ANKFN1: variants seen among roughly 807,000 people sequenced by gnomAD.
ANKFN1 encodes the protein ankyrin repeat and fibronectin type-III domain-containing protein 1.
ANKFN1 carries 74 observed loss-of-function variants against 108.7 expected under a neutral mutation model. That is an observed-to-expected ratio of 0.68 (90% confidence interval 0.56 to 0.83). The LOEUF is 0.83. Ranked by LOEUF, ANKFN1 falls within the 40% of genes least tolerant of loss-of-function variation. The probability of loss-of-function intolerance (pLI) is 0.00; values close to 1 mark genes in which losing one functional copy is unlikely to be tolerated. For synonymous variants in ANKFN1, 547 were observed against 516.2 expected (o/e 1.06, Z -0.81); for missense variants, 1,505 against 1,382.3 (o/e 1.09, Z -1.41).
rs770430594 is a variant in ANKFN1 at position 56,350,931 on chromosome 17, A to G, written c.354A>G (p.Thr118=). 4.5e-5 allele frequency: 73 copies of G among 1,613,648 alleles called. No homozygotes were observed. In the East Asian group the frequency reaches 1.5e-3, roughly 34 times the overall value. Residue 118 remains threonine (T), a synonymous_variant, in exon 5 of 21, where the codon ACA becomes ACG. Transcript: ENST00000682825. ...HSSFDEAYFR[T]RTDRLSLRKT... ...CCTTCGATGAGGCCTATTTTAGGACAAGAACTGATCGGCTGAGTCTCAGGA... is the reference window on the plus strand; with the variant it reads ...CCTTCGATGAGGCCTATTTTAGGACGAGAACTGATCGGCTGAGTCTCAGGA...
At chr17:56,094,460 CTCAGT>C (rs1905479007) in intron 4 of ANKFN1, among the ~76,000 whole-genome samples, 1 of 68,086 alleles carries the variant, frequency 1.5e-5, no homozygotes, top group Non-Finnish European at 3.0e-5. Flanking sequence ...TGTCTCAGTT[CTCAGT>C]TGTTTCTTCT....
At position 56,142,338 on chromosome 17, in the gene ANKFN1, T is replaced by A. The variant is rs373322581; in HGVS notation, c.289-85579T>A. On this transcript the variant is annotated intron_variant, in intron 4 of 12. Transcript: ENST00000635860. ...CTGGGTGGAAACGACAAGTTGCAAATCTCCTTATTGTTTTGTCCCTCCACA... is the reference window on the plus strand; with the variant it reads ...CTGGGTGGAAACGACAAGTTGCAAAACTCCTTATTGTTTTGTCCCTCCACA... 1.2e-4 allele frequency among the ~76,000 whole-genome samples: 19 copies of A among 152,266 alleles called. No homozygotes were observed. The East Asian group carries it at 2.5e-3, about 20-fold the overall frequency.
intron 4 of ANKFN1, among the ~76,000 whole-genome samples, chr17:56,144,923 C>G (rs1309364248): frequency 6.6e-6 from 1 of 152,110 alleles, no homozygotes; most frequent in Non-Finnish European, 1.5e-5. Flanking sequence ...TTTCCTCCTT[C>G]TCTTCTCTTA....
chr17:56,276,513 G>A (rs2043938883), intron 3 of ANKFN1, among the ~76,000 whole-genome samples: 1 of 152,150 alleles, frequency 6.6e-6, no homozygotes, highest in Non-Finnish European at 1.5e-5. Context: ...TCCAGCATCT[G>A]TTGGTTCCTG....
At chr17:56,113,423 G>T (rs1906086931) in intron 4 of ANKFN1, among the ~76,000 whole-genome samples, 1 of 152,142 alleles carries the variant, frequency 6.6e-6, no homozygotes, top group African/African-American at 2.4e-5. Flanking sequence ...CACTAATTAT[G>T]TTAAAAGTTA....
chr17:56,180,080 A>C (rs1382946111), intron 1 of ANKFN1, among the ~76,000 whole-genome samples: 1 of 152,194 alleles, frequency 6.6e-6, no homozygotes, highest in Non-Finnish European at 1.5e-5. Context: ...TGGGGGATGC[A>C]TGTAGCCTTC....
At chr17:56,443,131 G>A (rs1213989925) in intron 10 of ANKFN1, among the ~76,000 whole-genome samples, 198 bp downstream of exon 10, 1 of 152,172 alleles carries the variant, frequency 6.6e-6, no homozygotes, top group Admixed American at 6.5e-5. Context: ...TAAAAGGAGA[G>A]GGAATTTGGA....
intron 3 of ANKFN1, among the ~76,000 whole-genome samples, chr17:56,238,147 G>T (rs1270177025): frequency 6.6e-6 from 1 of 152,096 alleles, no homozygotes; most frequent in African/African-American, 2.4e-5. Context: ...GAGTATGTTT[G>T]ATATGATTTC....
chr17:56,153,499 CTG>C lies in ANKFN1; in HGVS notation c.-98_-97del. On this transcript the variant is annotated 5_prime_UTR_variant, in exon 1 of 21. Coordinates refer to ENST00000682825, the MANE Select transcript of ANKFN1 (RefSeq NM_001370326.1). ...CCTCTTTCAACTCAAGAGCTCAGTCCTGTGTCTCTCATGGAGGCGTCTCTAAC... is the reference window on the plus strand; with the variant it reads ...CCTCTTTCAACTCAAGAGCTCAGTCCTGTCTCTCATGGAGGCGTCTCTAAC... The C allele has an allele frequency of 6.2e-7, 1 of 1,614,022 alleles. No homozygotes were observed. Among genetic ancestry groups the C allele is most frequent in the Non-Finnish European group, 8.5e-7 (1 of 1,179,906 alleles).
At chr17:56,379,706 T>C (rs2047041912) in intron 8 of ANKFN1, among the ~76,000 whole-genome samples, 1 of 152,360 alleles carries the variant, frequency 6.6e-6, no homozygotes, top group Admixed American at 6.5e-5. Context: ...GAAAGAGGTA[T>C]CATCATTCTC....
intron 4 of ANKFN1, among the ~76,000 whole-genome samples, chr17:56,057,072 A>G (rs1351642805): frequency 2.6e-5 from 4 of 152,246 alleles, no homozygotes; most frequent in African/African-American, 9.6e-5. Context: ...TTCCATCTAA[A>G]GAAACCACTT....
chr17:56,183,606 T>C (rs2143641283), intron 1 of ANKFN1, among the ~76,000 whole-genome samples: 1 of 152,296 alleles, frequency 6.6e-6, no homozygotes, highest in Middle Eastern at 3.4e-3. Context: ...TGCCTGCTTT[T>C]GCTTCACCTT....
At chr17:56,108,997 TA>T (rs1448925975) in intron 4 of ANKFN1, among the ~76,000 whole-genome samples, 7 of 152,196 alleles carry the variant, frequency 4.6e-5, no homozygotes, top group Non-Finnish European at 8.8e-5. Flanking sequence ...GGTTAATCAT[TA>T]ATAGAGTGGT....
At chr17:56,473,741 G>A (rs2145331567) in intron 15 of ANKFN1, 1 of 151,504 alleles carries the variant, frequency 6.6e-6, no homozygotes, top group African/African-American at 2.4e-5. Flanking sequence ...ACATTTCTCA[G>A]GCTCCAAAAC....
intron 4 of ANKFN1, 40 bp from the exon 5 acceptor site, chr17:56,350,726 G>A: frequency 2.6e-6 from 4 of 1,535,242 alleles, no homozygotes; most frequent in Non-Finnish European, 3.6e-6. Flanking sequence ...CTTATAATTT[G>A]TGGTGTAAAA....
intron 20 of ANKFN1, among the ~76,000 whole-genome samples, chr17:56,500,758 TTTTC>T (rs1163215095): frequency 6.6e-6 from 1 of 152,214 alleles, no homozygotes; most frequent in Non-Finnish European, 1.5e-5. Context: ...TTGTTCATTC[TTTTC>T]TTTCTATTTA....
chr17:56,501,739 T>A (rs1256227966), intron 20 of ANKFN1, among the ~76,000 whole-genome samples: 3 of 152,022 alleles, frequency 2.0e-5, no homozygotes, highest in Non-Finnish European at 4.4e-5. Flanking sequence ...TGTGGAAGGA[T>A]CCCTGTGGAA....
At position 56,492,369 on chromosome 17, in the gene ANKFN1, T is replaced by C; in HGVS notation, c.2427+16T>C. On this transcript the variant is annotated intron_variant, in intron 19 of 20. Transcript: ENST00000682825. The stretch of plus-strand genomic sequence containing the variant: ...TTTCATTCAGGTAATTGTTTGTTCC[T>C]TCTGGGGTAAAAGGAAGGGAGAAGA... 2.9e-6 allele frequency: 2 copies of C among 698,144 alleles called. No individual in the cohort carries two copies. The highest frequency in any genetic ancestry group is 5.3e-6 in the Non-Finnish European group (2 of 380,934). 43.2% of individuals were successfully genotyped at this position (698,144 alleles called of 1,614,324 possible). A position where few individuals can be genotyped will look rare whatever the true frequency, so the allele number is the denominator to read the frequency against.
chr17:56,261,354 A>G (rs1156245115), intron 3 of ANKFN1, among the ~76,000 whole-genome samples: 4 of 152,234 alleles, frequency 2.6e-5, no homozygotes, highest in Non-Finnish European at 5.9e-5. Flanking sequence ...TCCCCTTTGC[A>G]GTTGAACCTG....
Sources: gnomAD v4.1 joint callset for allele counts (sites outside exome capture counted in the v4.1 genomes callset) on GRCh38, gnomAD v4.1.1 for gene constraint, MANE v1.5 for transcripts, NCBI Gene and HGNC (gene_info 2026-07-23, HGNC 2026-07-21) for gene names.